The following SRGAP1 variants were observed in gnomAD, a reference collection of about 807,000 sequenced individuals.
SRGAP1 encodes the protein SLIT-ROBO Rho GTPase activating protein 1.
A neutral mutation model predicts 121.9 loss-of-function variants in SRGAP1; 43 were observed. The observed-to-expected ratio is 0.35, with a 90% CI of 0.28 to 0.46. The LOEUF is 0.46. SRGAP1 is among the 20% of genes least tolerant of loss of function. The pLI, the probability that SRGAP1 is intolerant of heterozygous loss-of-function variation, is 1.00. For synonymous variants in SRGAP1, 447 were observed against 485.4 expected (o/e 0.92, Z 1.04); for missense variants, 1,102 against 1,350.9 (o/e 0.82, Z 2.89).
intron 1 of SRGAP1, among the ~76,000 whole-genome samples, chr12:63,876,317 T>C (rs917915010): frequency 6.6e-6 from 1 of 152,138 alleles, no homozygotes; most frequent in African/African-American, 2.4e-5. Context: ...TATTGAAATA[T>C]CATAGGATAG....
intron 1 of SRGAP1, among the ~76,000 whole-genome samples, chr12:63,931,423 A>G (rs2031471128): frequency 6.6e-6 from 1 of 152,224 alleles, no homozygotes; most frequent in South Asian, 2.1e-4. Context: ...AACTGATGAC[A>G]CTTCTGTTTG....
chr12:63,876,104 G>A (rs1218059952), intron 1 of SRGAP1, among the ~76,000 whole-genome samples: 2 of 152,100 alleles, frequency 1.3e-5, no homozygotes, highest in East Asian at 1.9e-4. Context: ...AGACTTTTTT[G>A]TCAGAGATCT....
chr12:64,082,263 T>TA (rs1463422800), intron 10 of SRGAP1, among the ~76,000 whole-genome samples: 2 of 152,068 alleles, frequency 1.3e-5, no homozygotes, highest in Admixed American at 6.5e-5. Flanking sequence ...ACTTTTATGG[T>TA]ACCTATTCAA....
intron 1 of SRGAP1, among the ~76,000 whole-genome samples, chr12:63,930,519 C>G (rs532555672): frequency 7.6e-4 from 116 of 152,194 alleles, no homozygotes; most frequent in Non-Finnish European, 6.3e-4. Context: ...TTATGAGACT[C>G]TTGGCCCTTC....
chr12:64,053,042 A>G (rs2035267961), intron 6 of SRGAP1, among the ~76,000 whole-genome samples: 1 of 152,220 alleles, frequency 6.6e-6, no homozygotes, highest in South Asian at 2.1e-4. Flanking sequence ...ATAAATATAA[A>G]TGGCACAAAT....
At chr12:63,867,875 A>C (rs1286239247) in intron 1 of SRGAP1, among the ~76,000 whole-genome samples, 1 of 151,506 alleles carries the variant, frequency 6.6e-6, no homozygotes, top group Non-Finnish European at 1.5e-5. Flanking sequence ...GGTGCTTTAG[A>C]AAAGCAGGGA....
intron 1 of SRGAP1, among the ~76,000 whole-genome samples, chr12:63,872,727 T>C (rs879409932): frequency 1.3e-5 from 2 of 152,254 alleles, no homozygotes; most frequent in South Asian, 2.1e-4. Context: ...TTTTGTCTTA[T>C]AGTAGTCGCT....
intron 1 of SRGAP1, among the ~76,000 whole-genome samples, chr12:63,962,353 G>A (rs1423665425): frequency 2.0e-5 from 3 of 152,180 alleles, no homozygotes; most frequent in Non-Finnish European, 4.4e-5. Context: ...AAACAGTGCA[G>A]AATTACCACT....
chr12:63,953,161 A>C (rs2032350028), intron 1 of SRGAP1, among the ~76,000 whole-genome samples: 1 of 152,152 alleles, frequency 6.6e-6, no homozygotes, highest in African/African-American at 2.4e-5. Context: ...CAGATTGTCC[A>C]GTGGCTTATT....
intron 18 of SRGAP1, among the ~76,000 whole-genome samples, chr12:64,119,757 ATATT>A (rs1380600435): frequency 6.9e-6 from 1 of 144,356 alleles, no homozygotes; most frequent in African/African-American, 2.6e-5. Context: ...TTATTTTTAA[ATATT>A]ATTTGTTTCT....
At chr12:63,947,268 T>A (rs1202147200) in intron 1 of SRGAP1, among the ~76,000 whole-genome samples, 1 of 152,226 alleles carries the variant, frequency 6.6e-6, no homozygotes, top group Non-Finnish European at 1.5e-5. Flanking sequence ...CTATGAGAGT[T>A]ACATTTGCCT....
chr12:63,859,206 C>T (rs1364555338), intron 1 of SRGAP1, among the ~76,000 whole-genome samples: 1 of 152,116 alleles, frequency 6.6e-6, no homozygotes, highest in East Asian at 1.9e-4. Flanking sequence ...AGGTCTTACT[C>T]TGTCATCCAG....
chr12:64,041,772 A>ATG (rs148785083), intron 4 of SRGAP1, among the ~76,000 whole-genome samples: 16 of 150,904 alleles, frequency 1.1e-4, no homozygotes, highest in Admixed American at 5.3e-4. Flanking sequence ...ACATGTGTGT[A>ATG]TGTGTGTGTG....
chr12:63,972,418 G>A (rs1035817253), intron 1 of SRGAP1, among the ~76,000 whole-genome samples: 1 of 152,150 alleles, frequency 6.6e-6, no homozygotes, highest in Admixed American at 6.5e-5. Context: ...AACCTTATAG[G>A]GTTGGAGGCC....
At chr12:63,916,965 C>G (rs1350411250) in intron 1 of SRGAP1, among the ~76,000 whole-genome samples, 1 of 152,128 alleles carries the variant, frequency 6.6e-6, no homozygotes, top group Non-Finnish European at 1.5e-5. Context: ...TCCAGTACCA[C>G]CAAGGATCAT....
At chr12:64,031,385 CA>C (rs1405555220) in intron 4 of SRGAP1, among the ~76,000 whole-genome samples, 3 of 151,480 alleles carry the variant, frequency 2.0e-5, no homozygotes, top group Admixed American at 2.0e-4. Context: ...TATGTTTCCC[CA>C]AATAATAAAT....
intron 3 of SRGAP1, among the ~76,000 whole-genome samples, chr12:64,000,450 A>G (rs2033853158): frequency 6.6e-6 from 1 of 152,046 alleles, no homozygotes; most frequent in Non-Finnish European, 1.5e-5. Flanking sequence ...TTCTGAAGAA[A>G]AAATATTTAA....
At chr12:64,000,275 T>TGTGTGTGTA (rs1555163998) in intron 3 of SRGAP1, among the ~76,000 whole-genome samples, 28 of 133,382 alleles carry the variant, frequency 2.1e-4, no homozygotes, top group African/African-American at 7.1e-4. Context: ...TGTGTGTGTG[T>TGTGTGTGTA]AAAAAAAAAA....
intron 5 of SRGAP1, 113 bp downstream of exon 5, chr12:64,043,085 T>C (rs2035057019): frequency 2.6e-6 from 2 of 756,672 alleles, no homozygotes; most frequent in Non-Finnish European, 4.3e-6. Context: ...AAGACATGCA[T>C]TTCCTCCCAT....
Sources: allele counts gnomAD v4.1 joint callset (sites outside exome capture counted in the v4.1 genomes callset), GRCh38; gene constraint gnomAD v4.1.1; transcripts MANE v1.5; gene names NCBI Gene and HGNC (gene_info 2026-07-23, HGNC 2026-07-21).